Variants in PTBP3 observed in about 807,000 individuals in gnomAD.
PTBP3 encodes the protein polypyrimidine tract-binding protein 3.
Under a neutral mutation model 58.7 loss-of-function variants are expected in PTBP3, and 20 were observed. The observed-to-expected ratio is 0.34, with a 90% confidence interval of 0.24 to 0.50. The LOEUF is 0.50. PTBP3 is among the 20% of genes least tolerant of loss of function. The pLI is 0.98. For synonymous variants in PTBP3, 185 were observed against 219.8 expected, an observed-to-expected ratio of 0.84 and a Z score of 1.40; for missense variants, 509 against 637.2, an observed-to-expected ratio of 0.80 and a Z score of 2.17.
intron 1 of PTBP3, chr9:112,298,479 G>T: frequency 2.2e-6 from 1 of 464,580 alleles, no homozygotes. Flanking sequence ...TTCCAAATCT[G>T]AACTGGCAAC....
chr9:112,305,615 G>A (rs553263836), intron 1 of PTBP3, among the ~76,000 whole-genome samples: 28 of 152,042 alleles, frequency 1.8e-4, no homozygotes, highest in Non-Finnish European at 7.4e-5. Flanking sequence ...TTTAATCTGC[G>A]TCCTTTTCCT....
the PTBP3 span, among the ~76,000 whole-genome samples, chr9:112,376,711 C>T: frequency 6.6e-6 from 1 of 152,102 alleles, no homozygotes; most frequent in African/African-American, 2.4e-5. Context: ...GGCTGGGAGG[C>T]TAGGCCAGTC....
At chr9:112,331,118 CACACACACGA>C (rs1283217274) in intron 1 of PTBP3, among the ~76,000 whole-genome samples, 9 of 150,936 alleles carry the variant, frequency 6.0e-5, no homozygotes, top group Admixed American at 2.0e-4. Flanking sequence ...CACACACACA[CACACACACGA>C]GAGACAGTTG....
the PTBP3 span, among the ~76,000 whole-genome samples, chr9:112,355,528 T>C: frequency 5.3e-5 from 8 of 152,320 alleles, no homozygotes; most frequent in Admixed American, 1.3e-4. Flanking sequence ...CTCCATTTCA[T>C]GTTCATCAAA....
the PTBP3 span, among the ~76,000 whole-genome samples, chr9:112,360,252 C>G: frequency 6.6e-6 from 1 of 152,018 alleles, no homozygotes; most frequent in Non-Finnish European, 1.5e-5. Flanking sequence ...GATGCACTTA[C>G]AGCTCACTGG....
the PTBP3 span, among the ~76,000 whole-genome samples, chr9:112,370,395 T>C: frequency 1.3e-5 from 2 of 151,896 alleles, no homozygotes; most frequent in Non-Finnish European, 2.9e-5. Flanking sequence ...TACAAAAAAA[T>C]AGTGGTGTGG....
At chr9:112,283,071 C>T (rs1238401462) in intron 2 of PTBP3, among the ~76,000 whole-genome samples, 2 of 152,212 alleles carry the variant, frequency 1.3e-5, no homozygotes, top group Non-Finnish European at 2.9e-5. Context: ...TTCCTGAGGC[C>T]TCGCCTGCCA....
intron 1 of PTBP3, among the ~76,000 whole-genome samples, chr9:112,300,654 A>G (rs1828879257): frequency 6.6e-6 from 1 of 152,222 alleles, no homozygotes; most frequent in Non-Finnish European, 1.5e-5. Flanking sequence ...CAGGAGGCTG[A>G]GGCAGGAGAA....
intron 1 of PTBP3, among the ~76,000 whole-genome samples, chr9:112,306,284 C>A (rs1829204939): frequency 6.6e-6 from 1 of 151,996 alleles, no homozygotes; most frequent in African/African-American, 2.4e-5. Flanking sequence ...TCCACCTCAG[C>A]CTCCTGAGTA....
At chr9:112,365,885 T>C in the PTBP3 span, among the ~76,000 whole-genome samples, 1 of 152,196 alleles carries the variant, frequency 6.6e-6, no homozygotes, top group African/African-American at 2.4e-5. Context: ...TTGGGTGCTG[T>C]TACAGGCATT....
At chr9:112,235,073 G>T (rs1835389731) in intron 7 of PTBP3, among the ~76,000 whole-genome samples, 176 bp from the exon 8 acceptor site, 1 of 152,034 alleles carries the variant, frequency 6.6e-6, no homozygotes, top group Admixed American at 6.6e-5. Flanking sequence ...ACTTCCAAAG[G>T]CTAACCCTTT....
rs140947751 is a variant in PTBP3, at chr9:112,247,313, A to G, written c.802+3616T>C. ...AAATAAATAAATAAATAAATAAATA[A>G]CAATAGTTATGAAAGACACAGAATA... On this transcript the variant is annotated intron_variant, in intron 7 of 13. Coordinates refer to ENST00000374257, the MANE Select transcript of PTBP3 (RefSeq NM_001163788.4). Among the ~76,000 whole-genome samples the G allele has an allele frequency of 6.8e-5, 10 of 147,192 alleles. No individual in the cohort carries two copies. The East Asian group carries it at 1.6e-3, about 24-fold the overall frequency.
chr9:112,332,649 C>T (rs1157107839), intron 1 of PTBP3: 1 of 1,077,274 alleles, frequency 9.3e-7, no homozygotes. Flanking sequence ...AAGTCCCACC[C>T]CATATCCCTG....
At chr9:112,274,406 T>C (rs1827517781) in intron 3 of PTBP3, among the ~76,000 whole-genome samples, 1 of 152,238 alleles carries the variant, frequency 6.6e-6, no homozygotes. Flanking sequence ...AGGGCCTAGA[T>C]TTGTTGTCCT....
Position 112,223,604 on chromosome 9 carries a change from C to T in PTBP3, c.*247G>A. Reference sequence around the variant, plus strand: ...AGATTATTGAAAAAAAATTTTTTTCCTGATTTTCTTTTTCCTGAAGGTTAT... The same window carrying T: ...AGATTATTGAAAAAAAATTTTTTTCTTGATTTTCTTTTTCCTGAAGGTTAT... On this transcript the variant is annotated 3_prime_UTR_variant, in exon 14 of 14. Transcript: ENST00000374257. 4.2e-6 allele frequency: 5 copies of T among 1,177,932 alleles called. No individual in the cohort carries two copies. The highest frequency in any genetic ancestry group is 8.5e-5 in the East Asian group (2 of 23,556). 73.0% of individuals were successfully genotyped at this position (1,177,932 alleles called of 1,614,324 possible).
chr9:112,286,221 C>T, intron 2 of PTBP3, among the ~76,000 whole-genome samples: 1 of 152,150 alleles, frequency 6.6e-6, no homozygotes, highest in East Asian at 1.9e-4. Context: ...GTTTCTTATA[C>T]ACATCAAGTA....
At position 112,223,510 on chromosome 9, in the gene PTBP3, A is replaced by G. The variant is rs1319669761; in HGVS notation, c.*341T>C. The G allele has an allele frequency of 4.4e-5, 41 of 934,672 alleles. No homozygotes were observed. The highest frequency in any genetic ancestry group is 5.0e-5 in the Non-Finnish European group (39 of 773,820). 57.9% of individuals were successfully genotyped at this position (934,672 alleles called of 1,614,324 possible). On this transcript the variant is annotated 3_prime_UTR_variant, in exon 14 of 14. Coordinates refer to ENST00000374257, the MANE Select transcript of PTBP3 (RefSeq NM_001163788.4). The stretch of plus-strand genomic sequence containing the variant: ...GTACAAATGAGTTTAGAAATGTTGT[A>G]TAAGGCTGATCTGGACCCAAACTAA...
At position 112,320,816 on chromosome 9, in the gene PTBP3, G is replaced by A. The variant is rs1829918099; in HGVS notation, c.-52+12654C>T. Among the ~76,000 whole-genome samples the A allele has an allele frequency of 3.9e-5, 6 of 152,124 alleles. No homozygotes were observed. In the South Asian group the frequency reaches 1.2e-3, roughly 32 times the overall value. On this transcript the variant is annotated intron_variant, in intron 1 of 13. Transcript: ENST00000374257. ...GAGAGGAAAATCTTTTCAACAAATG[G>A]TGCCGAACTACCTGGACTGTTTACT...
At chr9:112,266,221 C>T (rs1369020223) in intron 4 of PTBP3, among the ~76,000 whole-genome samples, 1 of 151,894 alleles carries the variant, frequency 6.6e-6, no homozygotes, top group Non-Finnish European at 1.5e-5. Context: ...GTACTTAATG[C>T]CATTAAACTG....
Sources: gnomAD v4.1 joint callset for allele counts (sites outside exome capture counted in the v4.1 genomes callset) on GRCh38, gnomAD v4.1.1 for gene constraint, MANE v1.5 for transcripts, NCBI Gene and HGNC (gene_info 2026-07-23, HGNC 2026-07-21) for gene names.